Variants in PTBP3 observed in about 807,000 individuals in gnomAD.
PTBP3 encodes the protein polypyrimidine tract-binding protein 3.
Under a neutral mutation model 58.7 loss-of-function variants are expected in PTBP3, and 20 were observed. That is an observed-to-expected ratio of 0.34 (90% CI 0.24 to 0.50). PTBP3 has a LOEUF of 0.50. Ranked by LOEUF, PTBP3 falls within the 20% of genes least tolerant of loss-of-function variation. PTBP3 has a pLI of 0.98. For missense variants in PTBP3, 509 were observed against 637.2 expected (o/e 0.80, Z 2.17); for synonymous variants, 185 against 219.8 (o/e 0.84, Z 1.40).
intron 7 of PTBP3, among the ~76,000 whole-genome samples, chr9:112,244,215 G>A (rs1835777246): frequency 7.3e-6 from 1 of 137,242 alleles, no homozygotes; most frequent in South Asian, 2.4e-4. Context: ...GCTTGGACCT[G>A]GGAGGCAGAG....
chr9:112,230,963 T>TGTAGACAATAATAAAATAGCAAAAATGA (rs547407546), intron 10 of PTBP3, among the ~76,000 whole-genome samples: 8 of 151,278 alleles, frequency 5.3e-5, no homozygotes, highest in Admixed American at 2.0e-4. Flanking sequence ...ATTTTGACCC[T>TGTAGACAATAATAAAATAGCAAAAATGA]ACGCAGCTGT....
intron 4 of PTBP3, 67 bp from the exon 5 acceptor site, chr9:112,262,666 T>C (rs776501715): frequency 5.6e-5 from 78 of 1,404,922 alleles, no homozygotes; most frequent in Admixed American, 2.0e-4. Flanking sequence ...TAAAATTTAG[T>C]TGACATAAAA....
At chr9:112,341,084 G>A in the PTBP3 span, among the ~76,000 whole-genome samples, 1 of 151,632 alleles carries the variant, frequency 6.6e-6, no homozygotes, top group African/African-American at 2.4e-5. Flanking sequence ...TTTCTTGTGG[G>A]GTTTTTTGTT....
intron 2 of PTBP3, among the ~76,000 whole-genome samples, chr9:112,285,969 C>T (rs1828097254): frequency 2.6e-5 from 4 of 152,162 alleles, no homozygotes; most frequent in South Asian, 4.1e-4. Flanking sequence ...TTTCACTTTA[C>T]GTGTTTTGAA....
intron 5 of PTBP3, among the ~76,000 whole-genome samples, chr9:112,258,551 T>C (rs1836466381): frequency 6.6e-6 from 1 of 152,158 alleles, no homozygotes; most frequent in Non-Finnish European, 1.5e-5. Context: ...CAAATCTTTT[T>C]TTGTCTTTGT....
chr9:112,267,533 A>G (rs1827148271), intron 4 of PTBP3, among the ~76,000 whole-genome samples: 1 of 152,218 alleles, frequency 6.6e-6, no homozygotes, highest in Admixed American at 6.5e-5. Context: ...TTAACCACTT[A>G]AAAATCAACA....
At chr9:112,331,039 T>TCAAAA (rs1830347898) in intron 1 of PTBP3, among the ~76,000 whole-genome samples, 2 of 149,140 alleles carry the variant, frequency 1.3e-5, no homozygotes, top group Admixed American at 1.3e-4. Context: ...TTCTATCACG[T>TCAAAA]CAAAACTGTG....
intron 1 of PTBP3, among the ~76,000 whole-genome samples, chr9:112,315,025 G>A (rs1181851518): frequency 6.6e-6 from 1 of 152,004 alleles, no homozygotes; most frequent in African/African-American, 2.4e-5. Flanking sequence ...TAGAGACGGA[G>A]TGTCACCGTG....
chr9:112,311,805 G>A (rs984604441), intron 1 of PTBP3, among the ~76,000 whole-genome samples: 18 of 152,076 alleles, frequency 1.2e-4, no homozygotes, highest in African/African-American at 7.2e-5. Context: ...TTAATTAGCC[G>A]GGTGTGGTGA....
rs370239262 is a variant in PTBP3 at position 112,227,636 on chromosome 9, T to C, written c.1148-9A>G. The C allele has an allele frequency of 2.1e-4, 337 of 1,610,332 alleles. No homozygotes were observed. The highest frequency in any genetic ancestry group is 2.6e-4 in the Non-Finnish European group (307 of 1,176,692). ...ACTTAGATGGTTCATTGCTAGTGCA[T>C]GGGAAGAAAATTTTAAAGTTTGAGT... On this transcript the variant is annotated splice_polypyrimidine_tract_variant and intron_variant, in intron 11 of 13. Transcript: ENST00000374257.
chr9:112,265,914 CA>C (rs1836781652), intron 4 of PTBP3, among the ~76,000 whole-genome samples: 1 of 152,162 alleles, frequency 6.6e-6, no homozygotes, highest in South Asian at 2.1e-4. Flanking sequence ...GAAATAAGAA[CA>C]ACTACAACAC....
At chr9:112,330,327 A>C in intron 1 of PTBP3, 2 of 758,910 alleles carry the variant, frequency 2.6e-6, no homozygotes, top group East Asian at 5.8e-5. Flanking sequence ...TTTGGAGCTA[A>C]GTAAAAATTA....
intron 9 of PTBP3, 54 bp downstream of exon 9, chr9:112,232,045 T>G: frequency 1.2e-6 from 1 of 821,132 alleles, no homozygotes; most frequent in Non-Finnish European, 1.8e-6. Context: ...AAGAAAAAAG[T>G]GCTACTATAC....
upstream of PTBP3, among the ~76,000 whole-genome samples, chr9:112,334,922 C>T (rs1479779335): frequency 6.6e-6 from 1 of 152,178 alleles, no homozygotes; most frequent in Non-Finnish European, 1.5e-5. Context: ...CTGTATCTAA[C>T]CTCAGTCCCC....
At chr9:112,320,312 A>ATT (rs1211297585) in intron 1 of PTBP3, among the ~76,000 whole-genome samples, 14 of 47,624 alleles carry the variant, frequency 2.9e-4, no homozygotes, top group African/African-American at 1.4e-3. Context: ...ATATATATAT[A>ATT]TATTTTTTTT....
At chr9:112,267,782 T>C (rs1168359862) in intron 4 of PTBP3, among the ~76,000 whole-genome samples, 1 of 152,236 alleles carries the variant, frequency 6.6e-6, no homozygotes, top group Non-Finnish European at 1.5e-5. Flanking sequence ...CTTTCAGATC[T>C]GAGATTTTAA....
At chr9:112,371,971 A>G in the PTBP3 span, among the ~76,000 whole-genome samples, 12 of 151,800 alleles carry the variant, frequency 7.9e-5, no homozygotes. Flanking sequence ...TTTATTCTTC[A>G]TTGCTTAGGT....
the PTBP3 span, among the ~76,000 whole-genome samples, chr9:112,370,757 C>A: frequency 2.6e-5 from 4 of 152,162 alleles, no homozygotes; most frequent in African/African-American, 7.2e-5. Flanking sequence ...TCTTTCAACC[C>A]ATGAACTGGA....
intron 1 of PTBP3, among the ~76,000 whole-genome samples, chr9:112,317,272 A>T (rs149071406): frequency 1.5e-3 from 225 of 152,060 alleles, no homozygotes; most frequent in African/African-American, 5.2e-3. Context: ...AAGAAAAAAA[A>T]TTAGTGAGGC....
Sources: gnomAD v4.1 joint callset for allele counts (sites outside exome capture counted in the v4.1 genomes callset) on GRCh38, gnomAD v4.1.1 for gene constraint, MANE v1.5 for transcripts, NCBI Gene and HGNC (gene_info 2026-07-23, HGNC 2026-07-21) for gene names.